Variants in TSPAN5 observed in about 807,000 individuals in gnomAD.
TSPAN5 encodes the protein tetraspanin 5.
TSPAN5 carries 10 observed loss-of-function variants against 37.1 expected under a neutral mutation model. The ratio of observed to expected loss-of-function variants is 0.27; its 90% CI spans 0.17 to 0.46. TSPAN5 has a LOEUF of 0.46. Among genes scored for constraint, TSPAN5 ranks in the 20% least tolerant of loss-of-function variants. The pLI is 1.00. For missense variants in TSPAN5, 195 were observed against 326.6 expected, an observed-to-expected ratio of 0.60 and a Z score of 3.11; for synonymous variants, 110 against 118.9, an observed-to-expected ratio of 0.93 and a Z score of 0.48.
intron 1 of TSPAN5, among the ~76,000 whole-genome samples, chr4:98,593,058 T>C (rs1252479554): frequency 2.8e-5 from 2 of 70,432 alleles, no homozygotes; most frequent in Admixed American, 3.1e-4. Flanking sequence ...CCACCAACAG[T>C]GTAAAAGTGT....
At chr4:98,512,998 G>T (rs1252855251) in intron 1 of TSPAN5, among the ~76,000 whole-genome samples, 24 of 152,150 alleles carry the variant, frequency 1.6e-4, no homozygotes, top group Admixed American at 1.6e-3. Context: ...TGACCTGGAG[G>T]GGCATCTGAA....
intron 1 of TSPAN5, among the ~76,000 whole-genome samples, chr4:98,521,783 GCTCT>G (rs1050859115): frequency 3.9e-5 from 6 of 152,172 alleles, no homozygotes; most frequent in South Asian, 2.1e-4. Context: ...TATCACAAAT[GCTCT>G]CTCTATGCCT....
chr4:98,580,298 T>A (rs1187139264), intron 1 of TSPAN5, among the ~76,000 whole-genome samples: 1 of 152,210 alleles, frequency 6.6e-6, no homozygotes, highest in Non-Finnish European at 1.5e-5. Context: ...GACTGCACAG[T>A]TGAGTCCATC....
At chr4:98,507,607 G>C (rs1753506879) in intron 2 of TSPAN5, 71 bp downstream of exon 2, 1 of 1,149,360 alleles carries the variant, frequency 8.7e-7, no homozygotes, top group Non-Finnish European at 1.3e-6. Flanking sequence ...AAGAGAAAGG[G>C]GGATAATACA....
At position 98,536,071 on chromosome 4, in the gene TSPAN5, G is replaced by T. The variant is rs559996411; in HGVS notation, c.82-28343C>A. On this transcript the variant is annotated intron_variant, in intron 1 of 7. Coordinates refer to ENST00000305798, the MANE Select transcript of TSPAN5 (RefSeq NM_005723.4). ...ATTCTCCATCCAGTTTTGTTCCCTTGCTGGTGAGGAGTTGTAATCCCTTGG... is the reference window on the plus strand; with the variant it reads ...ATTCTCCATCCAGTTTTGTTCCCTTTCTGGTGAGGAGTTGTAATCCCTTGG... Among the ~76,000 whole-genome samples, 67 of 152,252 alleles carry T rather than the reference G, an allele frequency of 4.4e-4. 1 individual carries two copies. Among genetic ancestry groups the T allele is most frequent in the Non-Finnish European group, 5.3e-4 (36 of 68,026 alleles).
At chr4:98,523,038 C>G (rs1332202876) in intron 1 of TSPAN5, among the ~76,000 whole-genome samples, 1 of 152,174 alleles carries the variant, frequency 6.6e-6, no homozygotes, top group Non-Finnish European at 1.5e-5. Context: ...TGGGTTTTGA[C>G]AAATCATTCT....
At chr4:98,656,683 G>A (rs1182259389) in intron 1 of TSPAN5, among the ~76,000 whole-genome samples, 1 of 152,144 alleles carries the variant, frequency 6.6e-6, no homozygotes, top group African/African-American at 2.4e-5. Flanking sequence ...CCATTCATGT[G>A]TCCCCTCATT....
intron 1 of TSPAN5, among the ~76,000 whole-genome samples, chr4:98,589,038 G>A (rs1181656218): frequency 1.3e-5 from 2 of 152,172 alleles, no homozygotes; most frequent in Non-Finnish European, 2.9e-5. Flanking sequence ...ACACACAGCA[G>A]AAATGTGACA....
rs149029799 is a variant in TSPAN5, at chr4:98,495,056, C to T, written c.133-8172G>A. On this transcript the variant is annotated intron_variant, in intron 2 of 7. Transcript: ENST00000305798. Reference sequence around the variant, plus strand: ...CGGTAAGACAGCAGTGGTGCTGCCACGATGGTGGCACATGGAACCAGGAGC... The same window carrying T: ...CGGTAAGACAGCAGTGGTGCTGCCATGATGGTGGCACATGGAACCAGGAGC... 6.3e-3 allele frequency among the ~76,000 whole-genome samples: 957 copies of T among 152,226 alleles called. 7 individuals carry two copies. Among genetic ancestry groups the T allele is most frequent in the Non-Finnish European group, 9.5e-3 (646 of 68,004 alleles).
intron 6 of TSPAN5, 21 bp downstream of exon 6, chr4:98,476,389 GCAA>G: frequency 6.2e-7 from 1 of 1,614,144 alleles, no homozygotes; most frequent in South Asian, 1.1e-5. Flanking sequence ...TTCGTGCTAA[GCAA>G]CAACATGAGA....
intron 1 of TSPAN5, among the ~76,000 whole-genome samples, chr4:98,542,586 G>A (rs1754382133): frequency 6.6e-6 from 1 of 152,058 alleles, no homozygotes; most frequent in African/African-American, 2.4e-5. Context: ...AGGCACAGTG[G>A]TACATGCCTA....
At chr4:98,582,951 C>G (rs1755402548) in intron 1 of TSPAN5, among the ~76,000 whole-genome samples, 1 of 152,136 alleles carries the variant, frequency 6.6e-6, no homozygotes, top group Non-Finnish European at 1.5e-5. Context: ...AGACAAAAAG[C>G]AAAACATATT....
At chr4:98,537,286 C>T (rs1012152001) in intron 1 of TSPAN5, among the ~76,000 whole-genome samples, 2 of 152,172 alleles carry the variant, frequency 1.3e-5, no homozygotes, top group Non-Finnish European at 2.9e-5. Flanking sequence ...AGGTGACGCC[C>T]CACCCTGCTT....
chr4:98,500,573 T>C (rs553283665), intron 2 of TSPAN5, among the ~76,000 whole-genome samples: 1 of 152,198 alleles, frequency 6.6e-6, no homozygotes, highest in Non-Finnish European at 1.5e-5. Context: ...GACTTCCAGT[T>C]TGACATCTCT....
chr4:98,575,735 C>T (rs1755218737), intron 1 of TSPAN5, among the ~76,000 whole-genome samples: 1 of 149,316 alleles, frequency 6.7e-6, no homozygotes, highest in Non-Finnish European at 1.5e-5. Context: ...ATATTGTATT[C>T]AATGCCATTC....
intron 1 of TSPAN5, among the ~76,000 whole-genome samples, chr4:98,601,329 TC>T (rs1755877096): frequency 6.6e-6 from 1 of 152,244 alleles, no homozygotes; most frequent in Non-Finnish European, 1.5e-5. Context: ...GATGGCATCT[TC>T]TTCCAATAGC....
intron 1 of TSPAN5, among the ~76,000 whole-genome samples, chr4:98,615,068 C>T (rs1756290230): frequency 6.6e-6 from 1 of 152,186 alleles, no homozygotes; most frequent in African/African-American, 2.4e-5. Context: ...AAAGAGTCAC[C>T]AACCCCCCAG....
At chr4:98,638,533 G>A (rs1756904035) in intron 1 of TSPAN5, among the ~76,000 whole-genome samples, 1 of 152,084 alleles carries the variant, frequency 6.6e-6, no homozygotes, top group African/African-American at 2.4e-5. Context: ...TCTTTGTTTT[G>A]GTTATTTTAC....
intron 1 of TSPAN5, among the ~76,000 whole-genome samples, chr4:98,625,928 G>T (rs1463073327): frequency 1.3e-5 from 2 of 152,188 alleles, no homozygotes; most frequent in Non-Finnish European, 2.9e-5. Flanking sequence ...TTTTTAAGTT[G>T]AGTACTATGT....
Sources: allele counts gnomAD v4.1 joint callset (sites outside exome capture counted in the v4.1 genomes callset), GRCh38; gene constraint gnomAD v4.1.1; transcripts MANE v1.5; gene names NCBI Gene and HGNC (gene_info 2026-07-23, HGNC 2026-07-21).